SLC30A5: variants seen among roughly 807,000 people sequenced by gnomAD.
The protein encoded by SLC30A5 is proton-coupled zinc antiporter SLC30A5.
In SLC30A5, 33 loss-of-function variants were observed where a neutral mutation model predicts 79.6. The observed-to-expected ratio is 0.41, with a 90% CI of 0.31 to 0.55. The LOEUF (loss-of-function observed/expected upper bound fraction) is 0.55. Among genes scored for constraint, SLC30A5 ranks in the 20% least tolerant of loss-of-function variants. The pLI, the probability that SLC30A5 is intolerant of heterozygous loss-of-function variation, is 0.20. For missense variants in SLC30A5, 788 were observed against 928.1 expected (o/e 0.85, Z 1.96); for synonymous variants, 299 against 319.7 (o/e 0.94, Z 0.69).
At chr5:69,101,414 G>A (rs1460990395) in intron 2 of SLC30A5, among the ~76,000 whole-genome samples, 1 of 151,684 alleles carries the variant, frequency 6.6e-6, no homozygotes, top group African/African-American at 2.4e-5. Context: ...GAGTAGCTGG[G>A]ACTACAGGCG....
chr5:69,129,563 G>A lies in SLC30A5; in HGVS notation c.2244G>A (p.Met748Ile), dbSNP rs775674347. Residue 748 changes from methionine (M) to isoleucine (I), a missense_variant, in exon 16 of 16, where the codon ATG (methionine) becomes ATA (isoleucine). By Grantham distance (10) the Met-to-Ile change is conservative. Around this residue, in one of 3 missense-constraint regions of SLC30A5, gnomAD observed 158 missense variants for 156.2 expected, o/e 1.01. Coordinates refer to ENST00000396591, the MANE Select transcript of SLC30A5 (RefSeq NM_022902.5). ...LSTGFHDVLA[M>I]TKQMESMKYC... is the part of the protein sequence containing the mutation. ...CTGGATTTCATGATGTTCTGGCTATGACAAAACAAATGGAATCCATGAAAT... is the reference window on the plus strand; with the variant it reads ...CTGGATTTCATGATGTTCTGGCTATAACAAAACAAATGGAATCCATGAAAT... The A allele has an allele frequency of 1.2e-6, 2 of 1,613,146 alleles. No homozygotes were observed. The highest frequency in any genetic ancestry group is 2.2e-5 in the South Asian group (2 of 90,954).
intron 5 of SLC30A5, 95 bp downstream of exon 5, chr5:69,108,531 A>G: frequency 2.0e-6 from 2 of 999,796 alleles, no homozygotes; most frequent in Non-Finnish European, 3.1e-6. Flanking sequence ...CATTTAAAAG[A>G]ATGCAGGAGG....
At chr5:69,107,891 C>G (rs1451336919) in intron 4 of SLC30A5, among the ~76,000 whole-genome samples, 1 of 152,116 alleles carries the variant, frequency 6.6e-6, no homozygotes, top group East Asian at 1.9e-4. Context: ...TGCCACCACG[C>G]CCAGCCAATT....
chr5:69,099,357 G>C (rs943240060), intron 1 of SLC30A5, among the ~76,000 whole-genome samples: 1 of 152,118 alleles, frequency 6.6e-6, no homozygotes, highest in Non-Finnish European at 1.5e-5. Flanking sequence ...TTGAGAATAA[G>C]TTACATAATT....
intron 5 of SLC30A5, among the ~76,000 whole-genome samples, chr5:69,109,483 T>C (rs1237984228): frequency 2.6e-5 from 4 of 152,160 alleles, no homozygotes; most frequent in Non-Finnish European, 5.9e-5. Flanking sequence ...AATTTTGTCA[T>C]GTGTAGATTT....
intron 3 of SLC30A5, chr5:69,103,952 CTCCTT>C: frequency 6.5e-7 from 1 of 1,530,124 alleles, no homozygotes; most frequent in Admixed American, 2.0e-5. Context: ...ACTTTTTTCT[CTCCTT>C]TCAGATAATT....
At chr5:69,107,482 C>T (rs1161336061) in intron 4 of SLC30A5, among the ~76,000 whole-genome samples, 2 of 152,034 alleles carry the variant, frequency 1.3e-5, no homozygotes, top group African/African-American at 2.4e-5. Flanking sequence ...ATACATAAAC[C>T]AGTAGCATAG....
intron 12 of SLC30A5, among the ~76,000 whole-genome samples, chr5:69,120,801 C>T (rs1259724257): frequency 6.6e-6 from 1 of 151,802 alleles, no homozygotes; most frequent in African/African-American, 2.4e-5. Context: ...AGTATTTGTC[C>T]TTCTCATATT....
At chr5:69,129,080 C>T (rs1196719611) in intron 15 of SLC30A5, among the ~76,000 whole-genome samples, 1 of 152,220 alleles carries the variant, frequency 6.6e-6, no homozygotes, top group Non-Finnish European at 1.5e-5. Flanking sequence ...CCTCCTGCCT[C>T]AGCCTCCCTG....
At chr5:69,098,061 T>C (rs1178577279) in intron 1 of SLC30A5, among the ~76,000 whole-genome samples, 2 of 151,772 alleles carry the variant, frequency 1.3e-5, no homozygotes, top group Non-Finnish European at 1.5e-5. Context: ...TTGCCCAGGT[T>C]GGTCTTGAAC....
intron 2 of SLC30A5, 180 bp from the exon 3 acceptor site, chr5:69,102,882 T>A: frequency 2.1e-5 from 7 of 331,468 alleles, no homozygotes; most frequent in Non-Finnish European, 3.4e-5. Context: ...AAAAAAGTTA[T>A]CAAAATATTG....
intron 6 of SLC30A5, 64 bp from the exon 7 acceptor site, chr5:69,114,356 G>T: frequency 1.1e-6 from 1 of 907,492 alleles, no homozygotes. Flanking sequence ...TAAAATTTCA[G>T]GAGAACTTCA....
chr5:69,115,181 G>A (rs1263314323), intron 7 of SLC30A5, 56 bp from the exon 8 acceptor site: 5 of 856,518 alleles, frequency 5.8e-6, no homozygotes, highest in African/African-American at 3.7e-5. Context: ...TGTATTTAAC[G>A]ACTGACTGTT....
At chr5:69,129,379 G>C (rs1451811423) in intron 15 of SLC30A5, 68 bp from the exon 16 acceptor site, 8 of 1,133,378 alleles carry the variant, frequency 7.1e-6, no homozygotes, top group Non-Finnish European at 1.0e-5. Context: ...ACTATGTACA[G>C]CATATTAAGA....
intron 1 of SLC30A5, among the ~76,000 whole-genome samples, chr5:69,097,109 CTTTTTTTTTTTTTTT>C (rs1228027917): frequency 4.5e-5 from 4 of 87,948 alleles, no homozygotes; most frequent in Non-Finnish European, 8.2e-5. Flanking sequence ...CTCTCTTTTT[CTTTTTTTTTTTTTTT>C]TTTTTTTTTG....
chr5:69,113,094 C>T (rs1051070900), intron 5 of SLC30A5, 46 bp from the exon 6 acceptor site: 1 of 1,487,056 alleles, frequency 6.7e-7, no homozygotes, highest in Non-Finnish European at 9.3e-7. Context: ...TCTTAAAAAT[C>T]AACCCTTGAA....
intron 4 of SLC30A5, among the ~76,000 whole-genome samples, chr5:69,107,241 T>C (rs1358382254): frequency 6.6e-6 from 1 of 152,198 alleles, no homozygotes; most frequent in Admixed American, 6.5e-5. Flanking sequence ...TACTGTCTTC[T>C]ACCTCCACAT....
In SLC30A5 at chr5:69,108,445, T is replaced by C; in HGVS notation, c.447+9T>C. On this transcript the variant is annotated intron_variant, in intron 5 of 15. Transcript: ENST00000396591. ...GAGGAGGACCAGCAAAGGTAGAATT[T>C]TCCATTATCAGTTACTTGGAAATGG... 1 of 1,592,746 alleles carries C rather than the reference T, an allele frequency of 6.3e-7. No individual in the cohort carries two copies. The highest frequency in any genetic ancestry group is 8.6e-7 in the Non-Finnish European group (1 of 1,160,864).
Position 69,100,859 on chromosome 5 carries a change from G to A in SLC30A5, c.136G>A (p.Gly46Arg). The A allele has an allele frequency of 6.2e-7, 1 of 1,608,332 alleles. No individual in the cohort carries two copies. Among genetic ancestry groups the A allele is most frequent in the Non-Finnish European group, 8.5e-7 (1 of 1,175,854 alleles). The change falls in exon 2 of 16, where the codon GGA becomes AGA. Residue 46 changes from glycine (G) to arginine (R), a missense_variant. Coordinates refer to ENST00000396591, the MANE Select transcript of SLC30A5 (RefSeq NM_022902.5). ...LCFTKFLKAV[G>R]LFESYDLLKA... ...TTTCACTAAATTTTTGAAGGCTGTGGGACTTTTCGAATCATATGATCTCCT... is the reference window on the plus strand; with the variant it reads ...TTTCACTAAATTTTTGAAGGCTGTGAGACTTTTCGAATCATATGATCTCCT...
Sources: gnomAD v4.1 joint callset for allele counts (sites outside exome capture counted in the v4.1 genomes callset) on GRCh38, gnomAD v4.1.1 for gene constraint, gnomAD v4.1.1 regional missense constraint, MANE v1.5 for transcripts, NCBI Gene and HGNC (gene_info 2026-07-23, HGNC 2026-07-21) for gene names.